SLC20A2: variants seen among roughly 807,000 people sequenced by gnomAD.
SLC20A2 encodes sodium-dependent phosphate transporter 2.
In SLC20A2, 30 loss-of-function variants were observed where a neutral mutation model predicts 61.0. The observed-to-expected ratio is 0.49, with a 90% CI of 0.37 to 0.67. SLC20A2 has a LOEUF of 0.67. Ranked by LOEUF, SLC20A2 falls within the 30% of genes least tolerant of loss-of-function variation. The pLI is 0.00. For missense variants in SLC20A2, 626 were observed against 866.4 expected (o/e 0.72, Z 3.48); for synonymous variants, 351 against 353.3 (o/e 0.99, Z 0.07).
Position 42,437,593 on chromosome 8 carries a change from G to A in SLC20A2, c.935-16C>T. 1 of 1,535,990 alleles carries A rather than the reference G, an allele frequency of 6.5e-7. No individual in the cohort carries two copies. The highest frequency in any genetic ancestry group is 8.8e-7 in the Non-Finnish European group (1 of 1,139,414). On this transcript the variant is annotated splice_polypyrimidine_tract_variant and intron_variant, in intron 7 of 10. Transcript: ENST00000520262. This position sits in a 1 kb window ranked among gnomAD's most constrained non-coding sequence, Gnocchi z 6.4. ...AGTGCTCTTCCTGAAAAGGGTTAGA[G>A]AAGGTCTCATTTTCCAGTCTTTTTT...
chr8:42,430,923 G>A (rs1803824053), intron 8 of SLC20A2, among the ~76,000 whole-genome samples: 2 of 152,170 alleles, frequency 1.3e-5, no homozygotes, highest in African/African-American at 4.8e-5. Context: ...ACTGATAAAT[G>A]CTGTGTGTGT....
intron 10 of SLC20A2, 29 bp downstream of exon 10, chr8:42,428,729 G>A (rs201213304): frequency 1.9e-6 from 3 of 1,598,298 alleles, no homozygotes; most frequent in East Asian, 2.3e-5. Flanking sequence ...AGCGGCCTGG[G>A]GAAGGGCTCC....
At chr8:42,504,852 C>CAAAAAAAAAAAAAAAAAAAAAA (rs771127709), upstream of SLC20A2, among the ~76,000 whole-genome samples, 9 of 16,494 alleles carry the variant, frequency 5.5e-4, 2 homozygotes, top group African/African-American at 1.7e-3. Flanking sequence ...GACTCCGTCT[C>CAAAAAAAAAAAAAAAAAAAAAA]AAAAAAAAAA....
chr8:42,517,214 C>T (rs1286207715), intron 1 of SLC20A2, among the ~76,000 whole-genome samples: 2 of 151,804 alleles, frequency 1.3e-5, no homozygotes, highest in African/African-American at 4.8e-5. Context: ...TTAAAATGTG[C>T]TATTCAGGCT....
At chr8:42,540,558 T>A (rs1469050067) in intron 1 of SLC20A2, among the ~76,000 whole-genome samples, 2 of 152,208 alleles carry the variant, frequency 1.3e-5, no homozygotes, top group Non-Finnish European at 2.9e-5. Flanking sequence ...TAAGCTAGTA[T>A]GTTATTGCGT....
intron 3 of SLC20A2, chr8:42,463,498 C>G (rs1331978954): frequency 6.5e-6 from 1 of 153,148 alleles, no homozygotes; most frequent in Admixed American, 6.5e-5. Flanking sequence ...ATTTCCTTTG[C>G]CAAGGCCAGC....
At chr8:42,490,896 A>G (rs1345644485) in intron 1 of SLC20A2, among the ~76,000 whole-genome samples, 1 of 152,026 alleles carries the variant, frequency 6.6e-6, no homozygotes, top group Admixed American at 6.6e-5. Context: ...TCTTTTAAAA[A>G]CCTTTATAAC....
intron 10 of SLC20A2, among the ~76,000 whole-genome samples, chr8:42,421,783 G>C (rs1006111521): frequency 2.0e-5 from 3 of 152,182 alleles, no homozygotes; most frequent in Non-Finnish European, 4.4e-5. Context: ...CTCCAGCCTG[G>C]GTAACGAGTG....
chr8:42,428,961 C>A lies in SLC20A2; in HGVS notation c.1710-119G>T, dbSNP rs553705828. ...GGGTGACTGCCGACTGCTGACTGGG[C>A]AAGATCAATTTTAACAGAACAAGAG... On this transcript the variant is annotated intron_variant, in intron 9 of 10. Transcript: ENST00000520262. 1.5e-5 allele frequency: 11 copies of A among 731,530 alleles called. No homozygotes were observed. In the African/African-American group the frequency reaches 2.0e-4, roughly 14 times the overall value. The allele number at this position is 731,530 out of a possible 1,614,324, so 45.3% of individuals were successfully genotyped here.
At chr8:42,466,424 A>G (rs568530023) in intron 2 of SLC20A2, among the ~76,000 whole-genome samples, 1 of 152,292 alleles carries the variant, frequency 6.6e-6, no homozygotes, top group South Asian at 2.1e-4. Flanking sequence ...GGTGCTACAC[A>G]CTGACTGCCC....
chr8:42,470,015 GA>G (rs1311425867), intron 2 of SLC20A2, among the ~76,000 whole-genome samples: 1 of 151,786 alleles, frequency 6.6e-6, no homozygotes, highest in African/African-American at 2.4e-5. Flanking sequence ...TTCCTGACTA[GA>G]AAAATCTTAA....
At position 42,437,625 on chromosome 8, in the gene SLC20A2, TTC is replaced by T; in HGVS notation, c.935-50_935-49del. 2.1e-6 allele frequency: 3 copies of T among 1,424,622 alleles called. No homozygotes were observed. The highest frequency in any genetic ancestry group is 2.8e-6 in the Non-Finnish European group (3 of 1,063,610). 88.2% of individuals were successfully genotyped at this position (1,424,622 alleles called of 1,614,324 possible). A position where few individuals can be genotyped will look rare whatever the true frequency, so the allele number is the denominator to read the frequency against. ...TCATTTTCCAGTCTTTTTTTTTTTTTTCTTTTCTTTTTGAGACGGAGCCTTGC... is the reference window on the plus strand; with the variant it reads ...TCATTTTCCAGTCTTTTTTTTTTTTTTTTTCTTTTTGAGACGGAGCCTTGC... On this transcript the variant is annotated intron_variant, in intron 7 of 10. Coordinates refer to ENST00000520262, the MANE Select transcript of SLC20A2 (RefSeq NM_001257180.2). This position sits in a 1 kb window ranked among gnomAD's most constrained non-coding sequence, Gnocchi z 6.4.
chr8:42,418,947 T>G (rs1802857955), intron 10 of SLC20A2, among the ~76,000 whole-genome samples: 1 of 140,414 alleles, frequency 7.1e-6, no homozygotes, highest in African/African-American at 2.6e-5. Context: ...GCATTGAGCT[T>G]GCAGTGAGCG....
intron 1 of SLC20A2, among the ~76,000 whole-genome samples, chr8:42,515,254 C>A (rs1811260541): frequency 6.6e-6 from 1 of 152,140 alleles, no homozygotes; most frequent in Non-Finnish European, 1.5e-5. Context: ...CCCATGCTAT[C>A]TCTGATGAAT....
intron 5 of SLC20A2, among the ~76,000 whole-genome samples, chr8:42,448,442 G>A (rs1190049431): frequency 1.3e-5 from 2 of 152,200 alleles, no homozygotes; most frequent in Non-Finnish European, 2.9e-5. Context: ...CTAGGACCAC[G>A]CCAGGCTCCC....
intron 2 of SLC20A2, chr8:42,471,222 A>T: frequency 2.2e-6 from 1 of 456,220 alleles, no homozygotes; most frequent in Non-Finnish European, 4.4e-6. Context: ...GCAGAAAAAG[A>T]ATCCTGTCAG....
At chr8:42,441,471 G>A (rs1256339789) in intron 6 of SLC20A2, among the ~76,000 whole-genome samples, 2 of 147,968 alleles carry the variant, frequency 1.4e-5, no homozygotes, top group Non-Finnish European at 3.0e-5. Flanking sequence ...CTTTTTGTTT[G>A]TTTGTTTGTT....
chr8:42,535,129 C>T (rs968038445), intron 1 of SLC20A2: 5 of 152,076 alleles, frequency 3.3e-5, no homozygotes, highest in East Asian at 1.9e-4. Context: ...ACTATTCTTC[C>T]GTGAATATCT....
intron 5 of SLC20A2, among the ~76,000 whole-genome samples, chr8:42,459,484 T>C (rs1674850192): frequency 6.6e-6 from 1 of 152,236 alleles, no homozygotes; most frequent in Admixed American, 6.6e-5. Context: ...GTGCCAGGCA[T>C]GGCCCCAGGT....
Sources: gnomAD v4.1 joint callset for allele counts (sites outside exome capture counted in the v4.1 genomes callset) on GRCh38, gnomAD v4.1.1 for gene constraint, Gnocchi (gnomAD v3.1) non-coding constraint, MANE v1.5 for transcripts, NCBI Gene and HGNC (gene_info 2026-07-23, HGNC 2026-07-21) for gene names.